Variants in TNRC18 observed in about 807,000 individuals in gnomAD.
TNRC18 encodes the protein trinucleotide repeat-containing gene 18 protein.
Under a neutral mutation model 226.7 loss-of-function variants are expected in TNRC18, and 69 were observed. The observed-to-expected ratio is 0.30, with a 90% CI of 0.25 to 0.37. TNRC18 has a LOEUF of 0.37. Among genes scored for constraint, TNRC18 ranks in the 10% least tolerant of loss-of-function variants. The probability of loss-of-function intolerance (pLI) is 1.00; values close to 1 mark genes in which losing one functional copy is unlikely to be tolerated. For synonymous variants in TNRC18, 2,449 were observed against 1,927.6 expected (o/e 1.27, Z -7.09); for missense variants, 4,754 against 4,256.6 (o/e 1.12, Z -3.25).
At chr7:5,378,156 C>A (rs568634549) in intron 5 of TNRC18, 132 bp from the exon 6 acceptor site, 2 of 645,458 alleles carry the variant, frequency 3.1e-6, no homozygotes, top group Admixed American at 5.7e-5. Context: ...CCGTGTAGTG[C>A]CTTCACCCCA....
chr7:5,315,435 T>G (rs1171936446), intron 25 of TNRC18, among the ~76,000 whole-genome samples: 5 of 151,802 alleles, frequency 3.3e-5, no homozygotes, highest in African/African-American at 9.7e-5. Context: ...TTTTTTTTTT[T>G]TTTTTTTAAA....
chr7:5,362,797 G>C lies in TNRC18; in HGVS notation c.4248C>G (p.Pro1416=), dbSNP rs948731849. 1.9e-6 allele frequency: 3 copies of C among 1,566,854 alleles called. No individual in the cohort carries two copies. Among genetic ancestry groups the C allele is most frequent in the East Asian group, 4.7e-5 (2 of 42,394 alleles). Residue 1416 remains proline, a synonymous_variant, in exon 12 of 30, where the codon CCC becomes CCG. Coordinates refer to ENST00000430969, the MANE Select transcript of TNRC18 (RefSeq NM_001080495.3). ...CAGCTGCCAGCAGACTCTCCAGGGA[G>C]GGCCGCGCCACCAGGGCCCGCTCCG... ...GGAERALVAR[P]SLESLLAAGS...
chr7:5,348,323 G>C (rs1791421126), intron 17 of TNRC18, among the ~76,000 whole-genome samples: 1 of 152,196 alleles, frequency 6.6e-6, no homozygotes, highest in Non-Finnish European at 1.5e-5. Context: ...GAGCGGGAAA[G>C]TGACTCTAGG....
At chr7:5,342,820 C>T (rs1471376819) in intron 18 of TNRC18, among the ~76,000 whole-genome samples, 1 of 152,168 alleles carries the variant, frequency 6.6e-6, no homozygotes, top group African/African-American at 2.4e-5. Flanking sequence ...TTGCATGTTA[C>T]AGAGAAATCT....
intron 18 of TNRC18, among the ~76,000 whole-genome samples, chr7:5,335,402 G>C (rs1789993406): frequency 6.6e-6 from 1 of 150,904 alleles, no homozygotes; most frequent in Non-Finnish European, 1.5e-5. Context: ...AAGGTCAGGA[G>C]TTCAAGACCA....
At chr7:5,354,197 C>T (rs546961584) in intron 16 of TNRC18, among the ~76,000 whole-genome samples, 20 of 151,930 alleles carry the variant, frequency 1.3e-4, no homozygotes, top group African/African-American at 4.4e-4. Flanking sequence ...CAGCAAAACT[C>T]CATCTCAAAA....
chr7:5,327,949 C>T (rs1388420654), intron 19 of TNRC18, among the ~76,000 whole-genome samples: 1 of 152,072 alleles, frequency 6.6e-6, no homozygotes, highest in Admixed American at 6.6e-5. Flanking sequence ...CAGCCAGGCG[C>T]GGTGGCTCAC....
chr7:5,354,018 T>C (rs551475070), intron 16 of TNRC18, among the ~76,000 whole-genome samples: 157 of 152,026 alleles, frequency 1.0e-3, no homozygotes, highest in Non-Finnish European at 2.0e-3. Flanking sequence ...GCCTGGCCAA[T>C]GTGGTGAAAC....
At chr7:5,359,354 C>T (rs1239524977) in intron 15 of TNRC18, 44 bp downstream of exon 15, 3 of 1,607,346 alleles carry the variant, frequency 1.9e-6, no homozygotes, top group Non-Finnish European at 2.6e-6. Context: ...CCTCCAGACA[C>T]CTCCCTGAAA....
chr7:5,341,536 G>A (rs565089424), intron 18 of TNRC18, among the ~76,000 whole-genome samples: 2 of 152,006 alleles, frequency 1.3e-5, no homozygotes, highest in South Asian at 4.2e-4. Flanking sequence ...GGCCAAGGCA[G>A]GAGGATCATT....
chr7:5,327,372 C>CGTGTGTGTGT (rs5882054), intron 19 of TNRC18, among the ~76,000 whole-genome samples: 14 of 142,706 alleles, frequency 9.8e-5, no homozygotes, highest in African/African-American at 2.5e-4. Context: ...TGTGTTTGTG[C>CGTGTGTGTGT]GTGTGTGTGT....
At chr7:5,412,323 C>G (rs1037643285) in intron 2 of TNRC18, among the ~76,000 whole-genome samples, 2 of 151,204 alleles carry the variant, frequency 1.3e-5, no homozygotes, top group African/African-American at 4.9e-5. Context: ...CGCCTGTAAT[C>G]CCAGCACTTT....
chr7:5,364,857 G>A (rs1253109248), intron 11 of TNRC18, among the ~76,000 whole-genome samples: 1 of 147,774 alleles, frequency 6.8e-6, no homozygotes, highest in African/African-American at 2.5e-5. Flanking sequence ...ATCACATTTT[G>A]CTTTTTTTCT....
intron 2 of TNRC18, among the ~76,000 whole-genome samples, chr7:5,396,405 CTA>C (rs1780694278): frequency 6.6e-6 from 1 of 151,948 alleles, no homozygotes; most frequent in South Asian, 2.1e-4. Context: ...TGGCTCTCGC[CTA>C]TAGTCTCTGG....
chr7:5,400,577 A>G (rs1781015435), intron 2 of TNRC18, among the ~76,000 whole-genome samples: 1 of 152,152 alleles, frequency 6.6e-6, no homozygotes, highest in Admixed American at 6.6e-5. Context: ...ACGCCACTGC[A>G]CTCCAGCCTG....
At chr7:5,415,603 A>T (rs1345401833) in intron 2 of TNRC18, among the ~76,000 whole-genome samples, 2 of 147,034 alleles carry the variant, frequency 1.4e-5, no homozygotes, top group African/African-American at 2.5e-5. Context: ...CTGGTCTCGA[A>T]CTCCTGACCT....
intron 25 of TNRC18, among the ~76,000 whole-genome samples, 152 bp from the exon 26 acceptor site, chr7:5,315,300 G>T (rs1787740144): frequency 6.6e-6 from 1 of 152,228 alleles, no homozygotes; most frequent in Non-Finnish European, 1.5e-5. Flanking sequence ...CAGGCTGTGA[G>T]GTCCAGCAGG....
intron 2 of TNRC18, among the ~76,000 whole-genome samples, chr7:5,396,430 G>A (rs1387208596): frequency 6.6e-6 from 1 of 152,202 alleles, no homozygotes; most frequent in African/African-American, 2.4e-5. Context: ...GCTGAGGCGA[G>A]AGGATGGGTT....
chr7:5,387,314 G>A (rs967231781), intron 5 of TNRC18, among the ~76,000 whole-genome samples: 18 of 152,196 alleles, frequency 1.2e-4, no homozygotes, highest in African/African-American at 4.1e-4. Flanking sequence ...ACTGGAATCG[G>A]TAAGGCACAG....
Sources: gnomAD v4.1 joint callset for allele counts (sites outside exome capture counted in the v4.1 genomes callset) on GRCh38, gnomAD v4.1.1 for gene constraint, MANE v1.5 for transcripts, NCBI Gene and HGNC (gene_info 2026-07-23, HGNC 2026-07-21) for gene names.